Variants in WDR25 observed in about 807,000 individuals in gnomAD.
WDR25 encodes the protein WD repeat domain 25.
Under a neutral mutation model 47.7 loss-of-function variants are expected in WDR25, and 35 were observed. The ratio of observed to expected loss-of-function variants is 0.73; its 90% CI spans 0.56 to 0.97. The LOEUF (loss-of-function observed/expected upper bound fraction) is 0.97, where lower values mean the gene tolerates loss of function less well. WDR25 is among the 50% of genes least tolerant of loss of function. The pLI is 0.00. For synonymous variants in WDR25, 248 were observed against 278.9 expected (o/e 0.89, Z 1.10); for missense variants, 634 against 704.7 (o/e 0.90, Z 1.14).
rs2030050083 is a variant in WDR25 at position 100,525,067 on chromosome 14, A to G, written c.1102-803A>G. On this transcript the variant is annotated intron_variant, in intron 4 of 6. Transcript: ENST00000402312. The surrounding 1 kb of genome is among the most constrained non-coding windows in gnomAD (Gnocchi z 4.6). ...GTAAAGGGACCGGCCGGCCCCTGCGACCAACTTGAGACCTTGCTGCGCTTC... is the reference window on the plus strand; with the variant it reads ...GTAAAGGGACCGGCCGGCCCCTGCGGCCAACTTGAGACCTTGCTGCGCTTC... Among the ~76,000 whole-genome samples, 1 of 152,176 alleles carries G rather than the reference A, an allele frequency of 6.6e-6. No individual in the cohort carries two copies. Among genetic ancestry groups the G allele is most frequent in the African/African-American group, 2.4e-5 (1 of 41,428 alleles).
chr14:100,507,419 GT>G (rs1403901018), intron 4 of WDR25, among the ~76,000 whole-genome samples: 4 of 152,106 alleles, frequency 2.6e-5, no homozygotes, highest in Admixed American at 1.3e-4. Flanking sequence ...TTTTAGAGCA[GT>G]TTTTTCTAGT....
At chr14:100,524,810 T>C (rs2030033828) in intron 4 of WDR25, among the ~76,000 whole-genome samples, 1 of 152,150 alleles carries the variant, frequency 6.6e-6, no homozygotes, top group Admixed American at 6.5e-5. Context: ...GTGAACCTCA[T>C]CCAGAGAATG....
At chr14:100,431,014 G>A (rs1251743883) in intron 2 of WDR25, among the ~76,000 whole-genome samples, 2 of 152,170 alleles carry the variant, frequency 1.3e-5, no homozygotes, top group Non-Finnish European at 2.9e-5. Flanking sequence ...TGAGTCGATG[G>A]AAGGACACAT....
chr14:100,386,920 G>C (rs114727238), intron 2 of WDR25, among the ~76,000 whole-genome samples: 49 of 152,140 alleles, frequency 3.2e-4, no homozygotes, highest in African/African-American at 1.0e-3. Context: ...GATGGGCTTT[G>C]ATTTACACCC....
intron 2 of WDR25, among the ~76,000 whole-genome samples, chr14:100,431,252 CTT>C (rs1405164881): frequency 6.6e-6 from 1 of 152,062 alleles, no homozygotes; most frequent in East Asian, 1.9e-4. Flanking sequence ...AACATTGAGA[CTT>C]AATTATATTT....
chr14:100,402,244 C>T (rs901023331), intron 2 of WDR25, among the ~76,000 whole-genome samples: 3 of 152,078 alleles, frequency 2.0e-5, no homozygotes, highest in African/African-American at 4.8e-5. Flanking sequence ...TGATATGTGA[C>T]GTCCATTATT....
Position 100,500,221 on chromosome 14 carries a change from G to GC in WDR25, c.1101+16100dup. ...TGCCCCTGGTGTGGACACTGGAGGG[G>GC]CCCGAGAGTGGGGTGGCTTGCTCAC... On this transcript the variant is annotated intron_variant, in intron 4 of 6. Coordinates refer to ENST00000402312, the MANE Select transcript of WDR25 (RefSeq NM_001161476.3). This position sits in a 1 kb window ranked among gnomAD's most constrained non-coding sequence, Gnocchi z 4.7. 6.6e-6 allele frequency among the ~76,000 whole-genome samples: 1 copy of GC among 152,202 alleles called. No individual in the cohort carries two copies. Among genetic ancestry groups the GC allele is most frequent in the Non-Finnish European group, 1.5e-5 (1 of 67,996 alleles).
chr14:100,448,925 A>G (rs944643981), intron 2 of WDR25, among the ~76,000 whole-genome samples: 1 of 151,786 alleles, frequency 6.6e-6, no homozygotes, highest in Admixed American at 6.6e-5. Context: ...GAGACAGAGG[A>G]ATGTACTTCA....
At chr14:100,480,680 A>C (rs1900168988) in intron 3 of WDR25, among the ~76,000 whole-genome samples, 1 of 152,204 alleles carries the variant, frequency 6.6e-6, no homozygotes, top group South Asian at 2.1e-4. Flanking sequence ...ACCTGGGAAC[A>C]GTGTTTTTCT....
At chr14:100,493,914 G>A (rs1900647035) in intron 4 of WDR25, among the ~76,000 whole-genome samples, 1 of 152,154 alleles carries the variant, frequency 6.6e-6, no homozygotes, top group South Asian at 2.1e-4. Flanking sequence ...GTGAGGATAT[G>A]GTGAGAAGAC....
At chr14:100,483,815 A>T (rs1190761776) in intron 3 of WDR25, among the ~76,000 whole-genome samples, 179 bp from the exon 4 acceptor site, 1 of 152,204 alleles carries the variant, frequency 6.6e-6, no homozygotes, top group East Asian at 1.9e-4. Flanking sequence ...AGAAACAGAG[A>T]ATAAGGGCAA....
chr14:100,427,946 C>G (rs935746643), intron 2 of WDR25, among the ~76,000 whole-genome samples: 1 of 152,206 alleles, frequency 6.6e-6, no homozygotes, highest in Non-Finnish European at 1.5e-5. Context: ...TTTCTCTGGC[C>G]AGGACAGCCA....
chr14:100,479,887 C>T (rs1041928041), intron 3 of WDR25, among the ~76,000 whole-genome samples: 5 of 152,080 alleles, frequency 3.3e-5, no homozygotes, highest in East Asian at 1.9e-4. Context: ...ACTGCGCATA[C>T]GAGGGATCTA....
intron 2 of WDR25, among the ~76,000 whole-genome samples, chr14:100,444,152 C>T (rs1488631077): frequency 6.6e-6 from 1 of 152,150 alleles, no homozygotes; most frequent in Non-Finnish European, 1.5e-5. Context: ...GCGGGGCATG[C>T]CTGAGAAGGA....
intron 4 of WDR25, among the ~76,000 whole-genome samples, chr14:100,507,045 T>C (rs1305183618): frequency 6.6e-6 from 1 of 152,178 alleles, no homozygotes; most frequent in African/African-American, 2.4e-5. Flanking sequence ...TTCTTAAAGT[T>C]TGAGGTCTTA....
intron 2 of WDR25, among the ~76,000 whole-genome samples, chr14:100,412,194 G>A (rs1897729148): frequency 7.2e-6 from 1 of 138,518 alleles, no homozygotes; most frequent in South Asian, 2.3e-4. Flanking sequence ...GTGACAGAGT[G>A]AGACCCTGTC....
At chr14:100,473,433 T>G (rs1899911678) in intron 3 of WDR25, among the ~76,000 whole-genome samples, 1 of 152,186 alleles carries the variant, frequency 6.6e-6, no homozygotes, top group Non-Finnish European at 1.5e-5. Context: ...GTTTCCCTGC[T>G]GTGAACAAAC....
chr14:100,478,057 C>G (rs1900076579), intron 3 of WDR25, among the ~76,000 whole-genome samples: 1 of 152,140 alleles, frequency 6.6e-6, no homozygotes, highest in African/African-American at 2.4e-5. Context: ...CACCACTGCA[C>G]TCCAGCCTGG....
intron 2 of WDR25, among the ~76,000 whole-genome samples, chr14:100,446,550 C>CAAA (rs55946078): frequency 1.3e-5 from 1 of 74,996 alleles, no homozygotes; most frequent in African/African-American, 6.7e-5. Flanking sequence ...GACTCCATCT[C>CAAA]AAAAAAAAAA....
Sources: gnomAD v4.1 joint callset for allele counts (sites outside exome capture counted in the v4.1 genomes callset) on GRCh38, gnomAD v4.1.1 for gene constraint, Gnocchi (gnomAD v3.1) non-coding constraint, MANE v1.5 for transcripts, NCBI Gene and HGNC (gene_info 2026-07-23, HGNC 2026-07-21) for gene names.